Variants in LAMB4 observed in about 807,000 individuals in gnomAD.
The protein encoded by LAMB4 is laminin subunit beta-4.
A neutral mutation model predicts 199.2 loss-of-function variants in LAMB4; 196 were observed. That is an observed-to-expected ratio of 0.98 (90% CI 0.88 to 1.11). LAMB4 has a LOEUF of 1.11. Ranked by LOEUF, LAMB4 falls within the 50% of genes least tolerant of loss-of-function variation. The pLI, the probability that LAMB4 is intolerant of heterozygous loss-of-function variation, is 0.00. For missense variants in LAMB4, 2,080 were observed against 2,171.2 expected, an observed-to-expected ratio of 0.96 and a Z score of 0.83; for synonymous variants, 744 against 770.6, an observed-to-expected ratio of 0.97 and a Z score of 0.57.
At position 108,107,633 on chromosome 7, in the gene LAMB4, C is replaced by G. The variant is rs1484859011; in HGVS notation, c.589G>C (p.Glu197Gln). The G allele has an allele frequency of 1.9e-6, 3 of 1,592,756 alleles. No individual in the cohort carries two copies. The African/African-American group carries it at 4.1e-5, about 22-fold the overall frequency. The change falls in exon 6 of 34, where the codon GAG (glutamate) becomes CAG (glutamine). Residue 197 changes from glutamate (E) to glutamine (Q), a missense_variant and splice_region_variant. Transcript: ENST00000388781. ...AAATACAAGGAAGGAAATGCTACCT[C>G]TCCACCTGTTGAGGGTTCAATATCC... Reference protein sequence around the residue: ...YSDIEPSTGGEVVLKVLDPSF... With the variant: ...YSDIEPSTGGQVVLKVLDPSF...
Position 108,067,998 on chromosome 7 carries a change from G to C in LAMB4, c.2446+18C>G, listed in dbSNP as rs373103858. ...AGACTGTGAGCAAGTGTTTCCCCTT[G>C]TGTGTTTTGCTACGTACGGTGACAG... On this transcript the variant is annotated intron_variant, in intron 19 of 33. Coordinates refer to ENST00000388781, the MANE Select transcript of LAMB4 (RefSeq NM_007356.3). The C allele has an allele frequency of 1.1e-5, 17 of 1,614,030 alleles. No homozygotes were observed. In the African/African-American group the frequency reaches 1.7e-4, roughly 16 times the overall value.
chr7:108,035,177 A>G (rs1169986705), intron 30 of LAMB4, among the ~76,000 whole-genome samples: 1 of 152,104 alleles, frequency 6.6e-6, no homozygotes, highest in Non-Finnish European at 1.5e-5. Flanking sequence ...CCAGGGTACC[A>G]GTGTCCATTT....
At chr7:108,050,723 C>T (rs1390117747) in intron 26 of LAMB4, among the ~76,000 whole-genome samples, 1 of 152,112 alleles carries the variant, frequency 6.6e-6, no homozygotes, top group Non-Finnish European at 1.5e-5. Context: ...ATGCTTTTCA[C>T]TTATCATGAA....
At chr7:108,084,865 T>G (rs1039284057) in intron 14 of LAMB4, among the ~76,000 whole-genome samples, 1 of 136,870 alleles carries the variant, frequency 7.3e-6, no homozygotes, top group African/African-American at 2.7e-5. Flanking sequence ...CACCTCAGCC[T>G]ACTGAGTAGT....
intron 26 of LAMB4, among the ~76,000 whole-genome samples, chr7:108,051,186 T>G (rs1347053601): frequency 6.6e-6 from 1 of 152,226 alleles, no homozygotes; most frequent in East Asian, 1.9e-4. Context: ...AGTAGATTCC[T>G]TACTCATTAC....
At chr7:108,014,754 G>C in the LAMB4 span, among the ~76,000 whole-genome samples, 1 of 148,120 alleles carries the variant, frequency 6.8e-6, no homozygotes, top group South Asian at 2.2e-4. Flanking sequence ...ACAGGGTCTT[G>C]TTCTGTCACT....
In LAMB4 at chr7:108,063,958, C is replaced by T; in HGVS notation, c.2864G>A (p.Gly955Asp). 6.2e-7 allele frequency: 1 copy of T among 1,613,934 alleles called. No homozygotes were observed. The highest frequency in any genetic ancestry group is 8.5e-7 in the Non-Finnish European group (1 of 1,179,940). Reference sequence around the variant, plus strand: ...TGAAATTCTTGGATTTCCATAGAAACCAGTAGAGCATTCTCCACACTGAGT... The same window carrying T: ...TGAAATTCTTGGATTTCCATAGAAATCAGTAGAGCATTCTCCACACTGAGT... ...TGTQCGECST[G>D]FYGNPRISGA... The change falls in exon 22 of 34, where the codon GGT becomes GAT. Residue 955 changes from glycine to aspartate, a missense_variant. By Grantham distance (94) the Gly-to-Asp change is moderately conservative (BLOSUM62 -1). Transcript: ENST00000388781.
intron 1 of LAMB4, among the ~76,000 whole-genome samples, chr7:108,127,723 G>A (rs2038843950): frequency 6.6e-6 from 1 of 152,188 alleles, no homozygotes; most frequent in African/African-American, 2.4e-5. Flanking sequence ...TGAGTCTGAT[G>A]AACGCTCAAG....
chr7:108,049,268 G>A, intron 27 of LAMB4, 58 bp downstream of exon 27: 1 of 713,640 alleles, frequency 1.4e-6, no homozygotes, highest in South Asian at 2.2e-5. Context: ...TCATTGAAGA[G>A]GTTCATATAC....
intron 29 of LAMB4, among the ~76,000 whole-genome samples, chr7:108,040,204 G>A (rs2035373078): frequency 6.6e-6 from 1 of 152,094 alleles, no homozygotes; most frequent in Non-Finnish European, 1.5e-5. Context: ...AGCTAACCAG[G>A]GAGGTGAAAG....
chr7:108,043,643 G>T, intron 29 of LAMB4, 109 bp downstream of exon 29: 2 of 240,858 alleles, frequency 8.3e-6, no homozygotes, highest in Non-Finnish European at 1.2e-5. Context: ...GCAGTGGCGC[G>T]ATCTCGGCTC....
At chr7:108,116,814 C>T (rs2038423498) in intron 2 of LAMB4, among the ~76,000 whole-genome samples, 1 of 152,118 alleles carries the variant, frequency 6.6e-6, no homozygotes, top group South Asian at 2.1e-4. Flanking sequence ...GGGAGAAGTG[C>T]GTGAGGCCAG....
chr7:108,103,796 T>C (rs1377109778), intron 9 of LAMB4, among the ~76,000 whole-genome samples: 1 of 152,204 alleles, frequency 6.6e-6, no homozygotes, highest in East Asian at 1.9e-4. Context: ...GTTTGTCTTT[T>C]TGTTTCTTTT....
chr7:108,099,375 A>G (rs1051625525), intron 10 of LAMB4, among the ~76,000 whole-genome samples: 1 of 152,208 alleles, frequency 6.6e-6, no homozygotes, highest in African/African-American at 2.4e-5. Flanking sequence ...GAATGTTGAC[A>G]GTTTGAGTTA....
rs556989750 is a variant in LAMB4, at chr7:108,106,888, G to T, written c.592-316C>A. Among the ~76,000 whole-genome samples, 4 of 152,232 alleles carry T rather than the reference G, an allele frequency of 2.6e-5. No individual in the cohort carries two copies. The East Asian group carries it at 7.7e-4, about 29-fold the overall frequency. ...GACCGTGAAATGCACTCTTACAGAA[G>T]AGACCCTGATCTTACAAGAAGGCTG... On this transcript the variant is annotated intron_variant, in intron 6 of 33. Coordinates refer to ENST00000388781, the MANE Select transcript of LAMB4 (RefSeq NM_007356.3).
chr7:108,043,751 C>A lies in LAMB4; in HGVS notation c.4471+1G>T, dbSNP rs777717212. The A allele has an allele frequency of 3.2e-6, 5 of 1,554,306 alleles. No individual in the cohort carries two copies. In the East Asian group the frequency reaches 1.1e-4, roughly 35 times the overall value. ...AGTCCTAATATATATTTTTAAATTA[C>A]CTAACAAAAAGTTTTTCACTTTTTT... On this transcript the variant is annotated splice_donor_variant, in intron 29 of 33. Transcript: ENST00000388781. LOFTEE classifies it high-confidence loss of function.
intron 23 of LAMB4, chr7:108,062,546 G>A (rs1304185126): frequency 2.4e-5 from 8 of 335,310 alleles, no homozygotes; most frequent in Non-Finnish European, 3.8e-5. Context: ...GACTTCCTCA[G>A]TCACAGAGAG....
In LAMB4 at chr7:108,107,780, C is replaced by G. The variant is rs2038077604; in HGVS notation, c.442G>C (p.Asp148His). The G allele has an allele frequency of 5.6e-6, 9 of 1,606,414 alleles. No homozygotes were observed. Among genetic ancestry groups the G allele is most frequent in the Non-Finnish European group, 7.6e-6 (9 of 1,178,358 alleles). The part of the protein sequence containing the change: ...PAAMLVERST[D>H]YGHNWKVFKY... ...AACACTTTCCAGTTGTGTCCATAGT[C>G]TGTGGAACGTTCAACTAACATTGCA... Residue 148 changes from aspartate to histidine, a missense_variant, in exon 6 of 34, where the codon GAC (aspartate) becomes CAC (histidine). Transcript: ENST00000388781.
At chr7:108,095,131 G>T in intron 12 of LAMB4, 97 bp downstream of exon 12, 1 of 819,602 alleles carries the variant, frequency 1.2e-6, no homozygotes, top group Non-Finnish European at 2.0e-6. Flanking sequence ...AAACACAATA[G>T]GACAAGAAAG....
Sources: gnomAD v4.1 joint callset for allele counts (sites outside exome capture counted in the v4.1 genomes callset) on GRCh38, gnomAD v4.1.1 for gene constraint, MANE v1.5 for transcripts, NCBI Gene and HGNC (gene_info 2026-07-23, HGNC 2026-07-21) for gene names.